Variants in PITPNC1 observed in about 807,000 individuals in gnomAD.
PITPNC1 encodes the protein phosphatidylinositol transfer protein cytoplasmic 1, also known as cytoplasmic phosphatidylinositol transfer protein 1.
A neutral mutation model predicts 44.7 loss-of-function variants in PITPNC1; 18 were observed. The ratio of observed to expected loss-of-function variants is 0.40; its 90% CI spans 0.28 to 0.60. The LOEUF (loss-of-function observed/expected upper bound fraction) is 0.60, where lower values mean the gene tolerates loss of function less well. Among genes scored for constraint, PITPNC1 ranks in the 20% least tolerant of loss-of-function variants. The pLI, the probability that PITPNC1 is intolerant of heterozygous loss-of-function variation, is 0.39. For synonymous variants in PITPNC1, 141 were observed against 149.6 expected (o/e 0.94, Z 0.42); for missense variants, 290 against 418.4 (o/e 0.69, Z 2.68).
At chr17:67,658,178 G>A (rs1163320596) in intron 6 of PITPNC1, among the ~76,000 whole-genome samples, 1 of 152,178 alleles carries the variant, frequency 6.6e-6, no homozygotes, top group African/African-American at 2.4e-5. Context: ...AGGCAGATAG[G>A]GGTGGGACCC....
chr17:67,533,266 A>T (rs918898307), intron 2 of PITPNC1, among the ~76,000 whole-genome samples: 1 of 152,160 alleles, frequency 6.6e-6, no homozygotes, highest in Admixed American at 6.5e-5. Context: ...GACTGTAAAA[A>T]ATATTACTAC....
chr17:67,524,452 A>T (rs939862071), intron 1 of PITPNC1: 2 of 152,152 alleles, frequency 1.3e-5, no homozygotes, highest in African/African-American at 4.8e-5. Flanking sequence ...CTCTAAAAAA[A>T]TAAGAAAGAA....
At chr17:67,491,086 ACTT>A (rs1291495826) in intron 1 of PITPNC1, among the ~76,000 whole-genome samples, 6 of 152,216 alleles carry the variant, frequency 3.9e-5, no homozygotes, top group Non-Finnish European at 7.3e-5. Flanking sequence ...TTCCATGGTG[ACTT>A]CTTCTTAAGC....
At chr17:67,646,080 G>A (rs1309193312) in intron 6 of PITPNC1, among the ~76,000 whole-genome samples, 2 of 152,130 alleles carry the variant, frequency 1.3e-5, no homozygotes, top group African/African-American at 2.4e-5. Flanking sequence ...AGCCGAGATC[G>A]TACCATTTGT....
At position 67,694,183 on chromosome 17, in the gene PITPNC1, T is replaced by G. The variant is rs1238373595; in HGVS notation, c.*1295T>G. 1 of 152,204 alleles carries G rather than the reference T, an allele frequency of 6.6e-6. No individual in the cohort carries two copies. Among genetic ancestry groups the G allele is most frequent in the African/African-American group, 2.4e-5 (1 of 41,452 alleles). The allele number at this position is 152,204 out of a possible 1,614,324, so 9.4% of individuals were successfully genotyped here. A position where few individuals can be genotyped will look rare whatever the true frequency, so the allele number is the denominator to read the frequency against. On this transcript the variant is annotated 3_prime_UTR_variant, in exon 9 of 9. Coordinates refer to ENST00000581322, the MANE Select transcript of PITPNC1 (RefSeq NM_012417.4). ...AAGTGACAGAAAGACAATTCTCCTTTGCTCCAAAGAGAGAAATCTGTCACC... is the reference window on the plus strand; with the variant it reads ...AAGTGACAGAAAGACAATTCTCCTTGGCTCCAAAGAGAGAAATCTGTCACC...
At chr17:67,654,645 T>C (rs1401963863) in intron 6 of PITPNC1, among the ~76,000 whole-genome samples, 3 of 152,176 alleles carry the variant, frequency 2.0e-5, no homozygotes, top group Non-Finnish European at 4.4e-5. Context: ...TTTTTTGATT[T>C]TTTTTGAGAT....
chr17:67,462,583 A>G (rs1225269508), intron 1 of PITPNC1, among the ~76,000 whole-genome samples: 1 of 152,018 alleles, frequency 6.6e-6, no homozygotes, highest in African/African-American at 2.4e-5. Context: ...TCTAGACAAA[A>G]ATACCACTTA....
chr17:67,527,596 A>T (rs1025167192), intron 1 of PITPNC1, among the ~76,000 whole-genome samples: 7 of 152,274 alleles, frequency 4.6e-5, no homozygotes, highest in Non-Finnish European at 4.4e-5. Context: ...TCAGCTACTG[A>T]GGAGGCTGAG....
intron 5 of PITPNC1, among the ~76,000 whole-genome samples, chr17:67,617,367 A>G (rs2041773258): frequency 6.6e-6 from 1 of 152,198 alleles, no homozygotes; most frequent in Admixed American, 6.5e-5. Flanking sequence ...TTAGCCAGGC[A>G]TAGTGGTGCA....
At chr17:67,626,618 C>T (rs181718620) in intron 5 of PITPNC1, among the ~76,000 whole-genome samples, 19 of 152,204 alleles carry the variant, frequency 1.2e-4, no homozygotes, top group African/African-American at 4.3e-4. Context: ...GATCTGCCCA[C>T]CTGGCCTCTC....
At chr17:67,427,117 G>T (rs1216399103) in intron 1 of PITPNC1, among the ~76,000 whole-genome samples, 1 of 152,170 alleles carries the variant, frequency 6.6e-6, no homozygotes, top group South Asian at 2.1e-4. Flanking sequence ...TCTCCTGGTT[G>T]TCTGGAATGA....
intron 4 of PITPNC1, among the ~76,000 whole-genome samples, chr17:67,573,936 T>C (rs1048308396): frequency 6.6e-5 from 10 of 152,138 alleles, no homozygotes; most frequent in African/African-American, 2.4e-4. Flanking sequence ...GGGGAAGAAA[T>C]AGGATCAAGG....
intron 1 of PITPNC1, among the ~76,000 whole-genome samples, chr17:67,519,015 A>C (rs1451720015): frequency 6.6e-6 from 1 of 152,142 alleles, no homozygotes; most frequent in Non-Finnish European, 1.5e-5. Flanking sequence ...CATTGCTGGT[A>C]GGGATGTAAA....
chr17:67,692,808 C>A lies in PITPNC1; in HGVS notation c.919C>A (p.Pro307Thr). Residue 307 changes from proline (P) to threonine (T), a missense_variant, in exon 9 of 9, where the codon CCA becomes ACA. Physicochemically the swap from Pro to Thr is conservative, Grantham distance 38 (BLOSUM62 -1). Coordinates refer to ENST00000581322, the MANE Select transcript of PITPNC1 (RefSeq NM_012417.4). ...GTCTGCCCCAGAAACTCTCACACTT[C>A]CAGACCCTGAGAAAAAAGCCACCCT... ...KKSAPETLTL[P>T]DPEKKATLNL... is the part of the protein sequence containing the mutation. The A allele has an allele frequency of 6.2e-7, 1 of 1,613,734 alleles. No homozygotes were observed.
At chr17:67,564,924 T>C (rs2144198500) in intron 4 of PITPNC1, among the ~76,000 whole-genome samples, 1 of 152,316 alleles carries the variant, frequency 6.6e-6, no homozygotes, top group South Asian at 2.1e-4. Flanking sequence ...TATTTTCCCA[T>C]GTTTTTCGGT....
chr17:67,524,076 C>T (rs2040364760), intron 1 of PITPNC1, among the ~76,000 whole-genome samples: 3 of 152,124 alleles, frequency 2.0e-5, no homozygotes, highest in Admixed American at 2.0e-4. Context: ...TCCCAAAGTG[C>T]TGGGATTGCA....
intron 5 of PITPNC1, among the ~76,000 whole-genome samples, chr17:67,610,853 G>A (rs533359094): frequency 2.3e-3 from 346 of 151,544 alleles, no homozygotes; most frequent in African/African-American, 8.1e-3. Flanking sequence ...CCCGAGGGGC[G>A]GAGGTTGCAG....
chr17:67,665,558 G>C (rs889821669), intron 6 of PITPNC1, among the ~76,000 whole-genome samples: 5 of 152,298 alleles, frequency 3.3e-5, no homozygotes, highest in Admixed American at 3.3e-4. Context: ...ATGTATGAGG[G>C]TTCCAGTTTC....
chr17:67,604,632 A>C (rs1331833514), intron 5 of PITPNC1, among the ~76,000 whole-genome samples: 2 of 152,002 alleles, frequency 1.3e-5, no homozygotes, highest in East Asian at 3.9e-4. Context: ...AAAATACAAA[A>C]ATTAGCCAGG....
Sources: allele counts gnomAD v4.1 joint callset (sites outside exome capture counted in the v4.1 genomes callset), GRCh38; gene constraint gnomAD v4.1.1; transcripts MANE v1.5; gene names NCBI Gene and HGNC (gene_info 2026-07-23, HGNC 2026-07-21).